SMC2: variants seen among roughly 807,000 people sequenced by gnomAD.
SMC2 encodes the protein structural maintenance of chromosomes 2, also known as structural maintenance of chromosomes protein 2.
Under a neutral mutation model 142.6 loss-of-function variants are expected in SMC2, and 41 were observed. The observed-to-expected ratio is 0.29, with a 90% CI of 0.22 to 0.37. The LOEUF is 0.37. SMC2 is among the 10% of genes least tolerant of loss of function. The pLI, the probability that SMC2 is intolerant of heterozygous loss-of-function variation, is 1.00. For missense variants in SMC2, 1,265 were observed against 1,373.7 expected (o/e 0.92, Z 1.25); for synonymous variants, 463 against 457.5 (o/e 1.01, Z -0.15).
intron 14 of SMC2, among the ~76,000 whole-genome samples, chr9:104,116,666 A>ATGTC: frequency 6.6e-6 from 1 of 152,188 alleles, no homozygotes; most frequent in South Asian, 2.1e-4. Flanking sequence ...GTTTCTTTTT[A>ATGTC]TGTCAGGCAT....
intron 19 of SMC2, among the ~76,000 whole-genome samples, 200 bp downstream of exon 19, chr9:104,126,984 C>T (rs956615438): frequency 6.6e-6 from 1 of 152,018 alleles, no homozygotes; most frequent in Non-Finnish European, 1.5e-5. Flanking sequence ...CCCTCTTCTT[C>T]CTCACTTAGT....
chr9:104,109,806 T>A (rs969893795), intron 9 of SMC2, among the ~76,000 whole-genome samples: 1 of 152,198 alleles, frequency 6.6e-6, no homozygotes, highest in Non-Finnish European at 1.5e-5. Context: ...TAGGTACTAG[T>A]CTATTTTATC....
At chr9:104,114,624 A>C in intron 12 of SMC2, 67 bp from the exon 13 acceptor site, 3 of 1,373,572 alleles carry the variant, frequency 2.2e-6, no homozygotes, top group Non-Finnish European at 3.0e-6. Flanking sequence ...AGAGCTCCTG[A>C]TGAGTAAAGT....
chr9:104,100,504 C>T (rs1830988703), intron 7 of SMC2, 71 bp downstream of exon 7: 3 of 972,412 alleles, frequency 3.1e-6, no homozygotes, highest in Admixed American at 4.6e-5. Flanking sequence ...CAAAATCATA[C>T]ACATAGTGAT....
At position 104,141,003 on chromosome 9, in the gene SMC2, A is replaced by G. The variant is rs896811405; in HGVS notation, c.*1688A>G. 1 of 152,154 alleles carries G rather than the reference A, an allele frequency of 6.6e-6. No individual in the cohort carries two copies. Among genetic ancestry groups the G allele is most frequent in the Non-Finnish European group, 1.5e-5 (1 of 68,034 alleles). The allele number at this position is 152,154 out of a possible 1,614,324, so 9.4% of individuals were successfully genotyped here. On this transcript the variant is annotated 3_prime_UTR_variant, in exon 25 of 25. Coordinates refer to ENST00000374793, the MANE Select transcript of SMC2 (RefSeq NM_006444.3). ...TGTGCGTTCCTGATTTTTGTCTTGT[A>G]TAATCTTGATCTTTGAAAACCCTCA...
At position 104,139,389 on chromosome 9, in the gene SMC2, G is replaced by T; in HGVS notation, c.*74G>T. The T allele has an allele frequency of 8.2e-7, 1 of 1,213,406 alleles. No individual in the cohort carries two copies. The highest frequency in any genetic ancestry group is 1.1e-6 in the Non-Finnish European group (1 of 873,542). The allele number at this position is 1,213,406 out of a possible 1,614,324, so 75.2% of individuals were successfully genotyped here. A position where few individuals can be genotyped will look rare whatever the true frequency, so the allele number is the denominator to read the frequency against. ...TTTAAGGACTTGAGATAACTAATTTGTTTATATACAAAAATTAATGTTACT... is the reference window on the plus strand; with the variant it reads ...TTTAAGGACTTGAGATAACTAATTTTTTTATATACAAAAATTAATGTTACT... On this transcript the variant is annotated 3_prime_UTR_variant, in exon 25 of 25. Coordinates refer to ENST00000374793, the MANE Select transcript of SMC2 (RefSeq NM_006444.3).
rs1322561804 is a variant in SMC2, at chr9:104,129,678, A to T, written c.2824A>T (p.Asn942Tyr). The T allele has an allele frequency of 6.2e-7, 1 of 1,613,990 alleles. No individual in the cohort carries two copies. Among genetic ancestry groups the T allele is most frequent in the South Asian group, 1.1e-5 (1 of 91,080 alleles). Residue 942 changes from asparagine (N) to tyrosine (Y), a missense_variant, in exon 21 of 25, where the codon AAT becomes TAT. By Grantham distance (143) the Asn-to-Tyr change is moderately radical. Coordinates refer to ENST00000374793, the MANE Select transcript of SMC2 (RefSeq NM_006444.3). ...SKMLKDYDWI[N>Y]AERHLFGQPN... ...AATGTTGAAAGATTATGACTGGATTAATGCAGAGAGACACCTCTTTGGCCA... is the reference window on the plus strand; with the variant it reads ...AATGTTGAAAGATTATGACTGGATTTATGCAGAGAGACACCTCTTTGGCCA...
chr9:104,101,196 A>C (rs927087196), intron 7 of SMC2, among the ~76,000 whole-genome samples: 2 of 152,184 alleles, frequency 1.3e-5, no homozygotes, highest in African/African-American at 4.8e-5. Flanking sequence ...CGGCCTCGCA[A>C]AGTGCTGGGA....
In SMC2 at chr9:104,102,205, T is replaced by C. The variant is rs202036291; in HGVS notation, c.870+12T>C. ...AAAGAAAAGATAAGGTCTGAACATATGTATAAGAATCGATAATATACTCTG... is the reference window on the plus strand; with the variant it reads ...AAAGAAAAGATAAGGTCTGAACATACGTATAAGAATCGATAATATACTCTG... On this transcript the variant is annotated intron_variant, in intron 8 of 24. Coordinates refer to ENST00000374793, the MANE Select transcript of SMC2 (RefSeq NM_006444.3). The C allele has an allele frequency of 1.0e-3, 1,421 of 1,425,774 alleles. 1 individual carries two copies. The highest frequency in any genetic ancestry group is 1.1e-3 in the Non-Finnish European group (1,171 of 1,030,370). 88.3% of individuals were successfully genotyped at this position (1,425,774 alleles called of 1,614,324 possible). A position where few individuals can be genotyped will look rare whatever the true frequency, so the allele number is the denominator to read the frequency against.
rs781020862 is a variant in SMC2 at position 104,102,483 on chromosome 9, T to C, written c.930T>C (p.Asn310=). Reference sequence around the variant, plus strand: ...CTCTTGCAGAGGCTCAGCGAGTTAATACTAAATCTCAAAGCGCATTTGATC... The same window carrying C: ...CTCTTGCAGAGGCTCAGCGAGTTAACACTAAATCTCAAAGCGCATTTGATC... ...EDALAEAQRV[N]TKSQSAFDLK... is the part of the protein sequence containing the mutation. Residue 310 remains asparagine (N), a synonymous_variant, in exon 9 of 25, where the codon AAT becomes AAC. Coordinates refer to ENST00000374793, the MANE Select transcript of SMC2 (RefSeq NM_006444.3). The C allele has an allele frequency of 6.2e-7, 1 of 1,613,844 alleles. No individual in the cohort carries two copies. Among genetic ancestry groups the C allele is most frequent in the East Asian group, 2.2e-5 (1 of 44,848 alleles).
chr9:104,113,307 C>T lies in SMC2; in HGVS notation c.1255-9C>T, dbSNP rs1832702472. 6.3e-7 allele frequency: 1 copy of T among 1,593,646 alleles called. No homozygotes were observed. The highest frequency in any genetic ancestry group is 1.8e-5 in the Admixed American group (1 of 55,768). Reference sequence around the variant, plus strand: ...ACATCCTATGGTCTGTTGCATTTTTCTGCCACAGGCTCAGATGAAGTTGAA... The same window carrying T: ...ACATCCTATGGTCTGTTGCATTTTTTTGCCACAGGCTCAGATGAAGTTGAA... On this transcript the variant is annotated splice_polypyrimidine_tract_variant and intron_variant, in intron 10 of 24. Transcript: ENST00000374793.
In SMC2 at chr9:104,125,071, A is replaced by G. The variant is rs1244287418; in HGVS notation, c.2417A>G (p.Asp806Gly). 1 of 1,588,012 alleles carries G rather than the reference A, an allele frequency of 6.3e-7. No homozygotes were observed. The highest frequency in any genetic ancestry group is 8.5e-7 in the Non-Finnish European group (1 of 1,173,702). ...CTGGATTGTGCCAAAACAAAGGCAG[A>G]TGCATCTAGCAAGAAGATGAAAGAA... The part of the protein sequence containing the change: ...KKLDCAKTKA[D>G]ASSKKMKEKQ... The change falls in exon 18 of 25, where the codon GAT becomes GGT. Residue 806 changes from aspartate (D) to glycine (G), a missense_variant. Around this residue, in one of 4 missense-constraint regions of SMC2, gnomAD observed 898 missense variants for 904.2 expected, o/e 0.99. Transcript: ENST00000374793.
chr9:104,115,764 C>T (rs73663499), intron 13 of SMC2, among the ~76,000 whole-genome samples: 1,600 of 152,018 alleles, frequency 0.011, 41 homozygotes, highest in African/African-American at 0.037. Flanking sequence ...AATTATAGTC[C>T]TCATGCTATA....
At chr9:104,112,400 T>A (rs1363927781) in intron 10 of SMC2, among the ~76,000 whole-genome samples, 1 of 152,226 alleles carries the variant, frequency 6.6e-6, no homozygotes, top group Non-Finnish European at 1.5e-5. Flanking sequence ...CTTACAGTCC[T>A]ATGAACATAA....
intron 21 of SMC2, among the ~76,000 whole-genome samples, chr9:104,131,467 A>G (rs576115378): frequency 1.2e-3 from 189 of 152,174 alleles, no homozygotes; most frequent in African/African-American, 4.3e-3. Flanking sequence ...ATGTATACCT[A>G]TGTAACAAAC....
chr9:104,114,169 C>A, intron 12 of SMC2, 88 bp downstream of exon 12: 1 of 743,730 alleles, frequency 1.3e-6, no homozygotes, highest in Non-Finnish European at 2.2e-6. Flanking sequence ...TTTGTCGAAA[C>A]CAAGATTTTT....
upstream of SMC2, chr9:104,092,573 G>C (rs1030690453): frequency 6.6e-6 from 1 of 152,172 alleles, no homozygotes; most frequent in African/African-American, 2.4e-5. Flanking sequence ...GGAGCCCAGG[G>C]GATGCAGGAA....
chr9:104,135,196 A>C (rs1304336691), intron 23 of SMC2, among the ~76,000 whole-genome samples: 1 of 85,364 alleles, frequency 1.2e-5, no homozygotes, highest in African/African-American at 5.6e-5. Flanking sequence ...GAGTAGAAAC[A>C]GACTCTGAAA....
rs923846470 is a variant in SMC2, at chr9:104,129,861, A to G, written c.2991+16A>G. On this transcript the variant is annotated intron_variant, in intron 21 of 24. Transcript: ENST00000374793. The stretch of plus-strand genomic sequence containing the variant: ...TGAAGAGCGAGTAAGTCAATTTCTT[A>G]TGAATATCTGGCCGCATTAGAACAT... The G allele has an allele frequency of 6.3e-7, 1 of 1,595,564 alleles. No individual in the cohort carries two copies. The highest frequency in any genetic ancestry group is 1.1e-5 in the South Asian group (1 of 90,596).
Sources: gnomAD v4.1 joint callset for allele counts (sites outside exome capture counted in the v4.1 genomes callset) on GRCh38, gnomAD v4.1.1 for gene constraint, gnomAD v4.1.1 regional missense constraint, MANE v1.5 for transcripts, NCBI Gene and HGNC (gene_info 2026-07-23, HGNC 2026-07-21) for gene names.